Variants in EPG5 observed in about 807,000 individuals in gnomAD.
The protein encoded by EPG5 is ectopic P granules protein 5 homolog.
EPG5 carries 159 observed loss-of-function variants against 302.7 expected under a neutral mutation model. That is an observed-to-expected ratio of 0.53 (90% CI 0.46 to 0.60). EPG5 has a LOEUF of 0.60. Ranked by LOEUF, EPG5 falls within the 20% of genes least tolerant of loss-of-function variation. EPG5 has a pLI of 0.00. For synonymous variants in EPG5, 1,158 were observed against 1,136.8 expected (o/e 1.02, Z -0.37); for missense variants, 2,896 against 3,092.4 (o/e 0.94, Z 1.51).
chr18:45,936,482 C>T lies in EPG5; in HGVS notation c.2100-1516G>A, dbSNP rs139899306. ...GTGGCTCACGCCTGTAATCCCAACA[C>T]TTTGGGAGGCTGAGGCGGGCAAATC... On this transcript the variant is annotated intron_variant, in intron 10 of 43. Coordinates refer to ENST00000282041, the MANE Select transcript of EPG5 (RefSeq NM_020964.3). 1.0e-3 allele frequency among the ~76,000 whole-genome samples: 157 copies of T among 152,254 alleles called. 1 individual carries two copies. Among genetic ancestry groups the T allele is most frequent in the African/African-American group, 3.7e-3 (153 of 41,538 alleles).
At chr18:45,915,937 G>A (rs1006965320) in intron 19 of EPG5, 72 bp downstream of exon 19, 2 of 1,341,546 alleles carry the variant, frequency 1.5e-6, no homozygotes, top group African/African-American at 1.5e-5. Flanking sequence ...AACTGTACTT[G>A]GGGGAATCTT....
At chr18:45,855,443 C>T in intron 43 of EPG5, 130 bp downstream of exon 43, 1 of 615,084 alleles carries the variant, frequency 1.6e-6, no homozygotes, top group Non-Finnish European at 2.8e-6. Context: ...AAGTAGGGCA[C>T]ATGAAAGGGA....
At chr18:45,900,103 G>A (rs917574301) in intron 26 of EPG5, among the ~76,000 whole-genome samples, 40 of 152,208 alleles carry the variant, frequency 2.6e-4, no homozygotes, top group African/African-American at 8.9e-4. Flanking sequence ...AAAAAATACT[G>A]ATAAGAAATT....
chr18:45,840,287 G>C, the EPG5 span: 1 of 1,588,406 alleles, frequency 6.3e-7, no homozygotes, highest in Non-Finnish European at 8.6e-7. Flanking sequence ...CACCCACCTA[G>C]TCCTCATCAC....
intron 36 of EPG5, among the ~76,000 whole-genome samples, chr18:45,869,000 A>T (rs939911581): frequency 6.6e-6 from 1 of 151,406 alleles, no homozygotes; most frequent in African/African-American, 2.4e-5. Flanking sequence ...GCTTGCAGTG[A>T]GCCAAGATCG....
rs764375495 is a variant in EPG5 at position 45,860,323 on chromosome 18, T to A, written c.6790A>T (p.Met2264Leu). Residue 2264 changes from methionine (M) to leucine (L), a missense_variant, in exon 40 of 44, where the codon ATG becomes TTG. This residue lies in a region of EPG5 where 620 missense variants were observed against 704.2 expected (regional missense o/e 0.88). Transcript: ENST00000282041. ...PPDMDSQTRH[M>L]ALSSLFMEVL... Reference sequence around the variant, plus strand: ...TCCATAAAGAGGCTGCTGAGGGCCATGTGGCGGGTCTGGCTGTCCATGTCT... The same window carrying A: ...TCCATAAAGAGGCTGCTGAGGGCCAAGTGGCGGGTCTGGCTGTCCATGTCT... 1 of 1,614,242 alleles carries A rather than the reference T, an allele frequency of 6.2e-7. No individual in the cohort carries two copies. Among genetic ancestry groups the A allele is most frequent in the East Asian group, 2.2e-5 (1 of 44,888 alleles).
chr18:45,932,379 G>T (rs1263568809), intron 11 of EPG5, among the ~76,000 whole-genome samples: 1 of 152,126 alleles, frequency 6.6e-6, no homozygotes, highest in Non-Finnish European at 1.5e-5. Flanking sequence ...TAAACAAAAA[G>T]AAGCCAAATT....
intron 17 of EPG5, 30 bp from the exon 18 acceptor site, chr18:45,916,612 C>G (rs2050039934): frequency 6.4e-7 from 1 of 1,567,368 alleles, no homozygotes; most frequent in Admixed American, 1.7e-5. Flanking sequence ...ACGCACTTTA[C>G]CTTCCGATCA....
At chr18:45,812,792 G>C in the EPG5 span, among the ~76,000 whole-genome samples, 3 of 152,182 alleles carry the variant, frequency 2.0e-5, no homozygotes. Context: ...AGACATAAAA[G>C]TTAGACCTAA....
chr18:45,900,185 G>A (rs1010318534), intron 26 of EPG5, among the ~76,000 whole-genome samples: 3 of 152,072 alleles, frequency 2.0e-5, no homozygotes, highest in African/African-American at 7.2e-5. Flanking sequence ...GGTGGATCAC[G>A]AGGTCAGGAG....
chr18:45,905,123 G>C (rs964214743), intron 24 of EPG5, among the ~76,000 whole-genome samples: 1 of 152,132 alleles, frequency 6.6e-6, no homozygotes, highest in Non-Finnish European at 1.5e-5. Flanking sequence ...ACACTCCCAT[G>C]GGCTGTCTTG....
intron 23 of EPG5, 101 bp downstream of exon 23, chr18:45,910,420 G>A: frequency 2.4e-6 from 2 of 849,318 alleles, no homozygotes; most frequent in South Asian, 3.4e-5. Flanking sequence ...ATCTAACCGT[G>A]TTAAGAGAAT....
chr18:45,861,544 C>A (rs2048634228), intron 39 of EPG5, among the ~76,000 whole-genome samples: 2 of 152,178 alleles, frequency 1.3e-5, no homozygotes, highest in Non-Finnish European at 2.9e-5. Context: ...AGCTATTATT[C>A]AACCTTCCTG....
Position 45,880,866 on chromosome 18 carries a change from G to A in EPG5, c.5519-643C>T, listed in dbSNP as rs578027853. Among the ~76,000 whole-genome samples the A allele has an allele frequency of 3.3e-5, 5 of 152,318 alleles. No individual in the cohort carries two copies. The East Asian group carries it at 7.7e-4, about 24-fold the overall frequency. ...TTCATGGAGCAGGTCTGAGGAGAAC[G>A]ATGGTGAGGCCAGTTACAATATGTC... On this transcript the variant is annotated intron_variant, in intron 31 of 43. Coordinates refer to ENST00000282041, the MANE Select transcript of EPG5 (RefSeq NM_020964.3).
the EPG5 span, chr18:45,825,639 C>T: frequency 3.1e-5 from 46 of 1,461,532 alleles, no homozygotes; most frequent in African/African-American, 5.6e-5. Flanking sequence ...CACCCCCGCC[C>T]GCCTTCCTTC....
rs188886514 is a variant in EPG5, at chr18:45,950,373, G to A, written c.1389+729C>T. On this transcript the variant is annotated intron_variant, in intron 4 of 43. Coordinates refer to ENST00000282041, the MANE Select transcript of EPG5 (RefSeq NM_020964.3). ...CCAGTGGGAGGTAACTGAATCATGG[G>A]GGCCGGTCTTTCCCATGCTATTCTC... is the stretch of plus-strand genomic sequence containing the variant. Among the ~76,000 whole-genome samples, 22 of 152,136 alleles carry A rather than the reference G, an allele frequency of 1.4e-4. No individual in the cohort carries two copies. The East Asian group carries it at 4.2e-3, about 29-fold the overall frequency.
chr18:45,967,216 C>A lies in EPG5; in HGVS notation c.24G>T (p.Gln8His). 1 of 1,605,798 alleles carries A rather than the reference C, an allele frequency of 6.2e-7. No individual in the cohort carries two copies. The highest frequency in any genetic ancestry group is 8.5e-7 in the Non-Finnish European group (1 of 1,176,418). The change falls in exon 1 of 44, where the codon CAG becomes CAT. Residue 8 changes from glutamine to histidine, a missense_variant. Physicochemically the swap from Gln to His is conservative, Grantham distance 24. Coordinates refer to ENST00000282041, the MANE Select transcript of EPG5 (RefSeq NM_020964.3). MAEAVKP[Q>H]RRAKAKASRT... ...GGCTGGCCTTGGCCTTGGCCCGGCG[C>A]TGGGGCTTCACCGCCTCGGCCATAG...
intron 1 of EPG5, among the ~76,000 whole-genome samples, chr18:45,961,819 C>T (rs1469180298): frequency 6.7e-6 from 1 of 149,764 alleles, no homozygotes; most frequent in Non-Finnish European, 1.5e-5. Context: ...GATCGCGCCA[C>T]TGCACTCCAG....
chr18:45,951,565 TCTCCTGC>T, intron 3 of EPG5, among the ~76,000 whole-genome samples: 1 of 152,122 alleles, frequency 6.6e-6, no homozygotes, highest in Middle Eastern at 3.4e-3. Context: ...TTCATGCCAT[TCTCCTGC>T]CTCAGCCTCT....
Sources: allele counts gnomAD v4.1 joint callset (sites outside exome capture counted in the v4.1 genomes callset), GRCh38; gene constraint gnomAD v4.1.1; regional missense constraint gnomAD v4.1.1; transcripts MANE v1.5; gene names NCBI Gene and HGNC (gene_info 2026-07-23, HGNC 2026-07-21).